Variants in DLC1 observed in about 807,000 individuals in gnomAD.
DLC1 encodes DLC1 Rho GTPase activating protein.
A neutral mutation model predicts 140.3 loss-of-function variants in DLC1; 54 were observed. The ratio of observed to expected loss-of-function variants is 0.38; its 90% CI spans 0.31 to 0.48. DLC1 has a LOEUF of 0.48. DLC1 is among the 20% of genes least tolerant of loss of function. DLC1 has a pLI of 0.96. For synonymous variants in DLC1, 986 were observed against 728.1 expected, an observed-to-expected ratio of 1.35 and a Z score of -5.70; for missense variants, 2,536 against 1,907.0, an observed-to-expected ratio of 1.33 and a Z score of -6.14.
chr8:13,443,719 T>C (rs1585117480), intron 2 of DLC1, among the ~76,000 whole-genome samples: 2 of 151,486 alleles, frequency 1.3e-5, no homozygotes. Flanking sequence ...GGAAGCATTA[T>C]GCTACACGCA....
intron 5 of DLC1, among the ~76,000 whole-genome samples, chr8:13,203,605 T>C (rs144641621): frequency 7.4e-4 from 112 of 152,350 alleles, no homozygotes; most frequent in African/African-American, 2.5e-3. Context: ...ATAGACTAGT[T>C]TTCCATCCTC....
intron 5 of DLC1, among the ~76,000 whole-genome samples, chr8:13,225,147 G>A (rs558230613): frequency 6.6e-6 from 1 of 152,190 alleles, no homozygotes; most frequent in South Asian, 2.1e-4. Context: ...TAAATAGAAA[G>A]CTGATAGGCT....
chr8:13,303,872 C>T (rs1832310526), intron 5 of DLC1, among the ~76,000 whole-genome samples: 2 of 152,152 alleles, frequency 1.3e-5, no homozygotes, highest in African/African-American at 4.8e-5. Flanking sequence ...GTGTTTCTCC[C>T]TGCCAAACTT....
intron 4 of DLC1, among the ~76,000 whole-genome samples, chr8:13,386,696 T>G (rs188315831): frequency 1.6e-4 from 25 of 152,226 alleles, no homozygotes; most frequent in Non-Finnish European, 2.9e-4. Context: ...ATTTATTATT[T>G]CAAAATCCAG....
At chr8:13,356,270 C>A (rs768822418) in intron 4 of DLC1, among the ~76,000 whole-genome samples, 2 of 151,926 alleles carry the variant, frequency 1.3e-5, no homozygotes, top group Non-Finnish European at 2.9e-5. Context: ...CTTATTTAGA[C>A]TTTTAGACCT....
intron 4 of DLC1, among the ~76,000 whole-genome samples, chr8:13,391,881 C>T (rs956864638): frequency 2.2e-5 from 3 of 134,332 alleles, no homozygotes; most frequent in Admixed American, 7.8e-5. Context: ...AAGTGAGCCC[C>T]ACACCTGTCC....
At chr8:13,511,010 C>A (rs1332795358) in intron 1 of DLC1, among the ~76,000 whole-genome samples, 1 of 151,876 alleles carries the variant, frequency 6.6e-6, no homozygotes, top group Non-Finnish European at 1.5e-5. Flanking sequence ...TCCTTCCATT[C>A]ATTTCACAAA....
chr8:13,392,402 C>G (rs1475562897), intron 4 of DLC1, among the ~76,000 whole-genome samples: 1 of 152,138 alleles, frequency 6.6e-6, no homozygotes, highest in East Asian at 1.9e-4. Context: ...AACATAATTT[C>G]CATGTAAATA....
Position 13,152,761 on chromosome 8 carries a change from A to G in DLC1, c.1349-37104T>C, listed in dbSNP as rs1312159205. ...AGTCTGGGGAGGTCAAGGCTGAAGC[A>G]AACCATGATCTTGCCACTGCACTCT... On this transcript the variant is annotated intron_variant, in intron 5 of 17. Transcript: ENST00000276297. Among the ~76,000 whole-genome samples, 12 of 142,212 alleles carry G rather than the reference A, an allele frequency of 8.4e-5. No individual in the cohort carries two copies. In the South Asian group the frequency reaches 1.4e-3, roughly 16 times the overall value. 93.3% of individuals were successfully genotyped at this position (142,212 alleles called of 152,430 possible). A position where few individuals can be genotyped will look rare whatever the true frequency, so the allele number is the denominator to read the frequency against.
At chr8:13,495,318 T>A (rs1360496464) in intron 2 of DLC1, among the ~76,000 whole-genome samples, 1 of 152,174 alleles carries the variant, frequency 6.6e-6, no homozygotes, top group Non-Finnish European at 1.5e-5. Context: ...CATCTTCACA[T>A]CTCATCTGGT....
At chr8:13,426,733 T>C (rs1211915957) in intron 2 of DLC1, among the ~76,000 whole-genome samples, 1 of 152,190 alleles carries the variant, frequency 6.6e-6, no homozygotes, top group African/African-American at 2.4e-5. Flanking sequence ...ATGTTCTTCA[T>C]ATTTCCTCAG....
intron 4 of DLC1, among the ~76,000 whole-genome samples, chr8:13,367,873 T>C (rs1835560343): frequency 6.6e-6 from 1 of 152,176 alleles, no homozygotes; most frequent in Non-Finnish European, 1.5e-5. Flanking sequence ...GATAGTAAGA[T>C]TAGGACAAGA....
intron 4 of DLC1, among the ~76,000 whole-genome samples, chr8:13,321,373 A>C (rs1833103754): frequency 6.6e-6 from 1 of 151,890 alleles, no homozygotes; most frequent in Admixed American, 6.6e-5. Flanking sequence ...CCCCATCTCT[A>C]CTAAAAATGC....
At chr8:13,305,007 G>A in intron 5 of DLC1, 5 of 1,092,702 alleles carry the variant, frequency 4.6e-6, no homozygotes, top group Non-Finnish European at 5.6e-6. Context: ...TTTTGCTTAA[G>A]AAAAAAAAAT....
intron 5 of DLC1, among the ~76,000 whole-genome samples, chr8:13,217,477 C>T (rs112918782): frequency 8.8e-4 from 134 of 152,218 alleles, no homozygotes; most frequent in African/African-American, 2.8e-3. Context: ...TTACTAAATG[C>T]ATTGGCTTCC....
At chr8:13,393,079 C>T (rs1382725511) in intron 4 of DLC1, among the ~76,000 whole-genome samples, 1 of 152,056 alleles carries the variant, frequency 6.6e-6, no homozygotes, top group African/African-American at 2.4e-5. Flanking sequence ...GTCTATCCAT[C>T]CATCTACATC....
At chr8:13,522,963 G>A (rs982173120) in intron 1 of DLC1, among the ~76,000 whole-genome samples, 2 of 152,014 alleles carry the variant, frequency 1.3e-5, no homozygotes, top group African/African-American at 4.8e-5. Flanking sequence ...GAAATAGCAA[G>A]GAATTAATGT....
chr8:13,576,166 C>T (rs991341447), intron 1 of DLC1, among the ~76,000 whole-genome samples: 5 of 152,190 alleles, frequency 3.3e-5, no homozygotes, highest in Admixed American at 6.5e-5. Context: ...CAGTAAGACA[C>T]ATCATGTATA....
At chr8:13,127,787 C>G (rs777001155) in intron 5 of DLC1, among the ~76,000 whole-genome samples, 1 of 152,196 alleles carries the variant, frequency 6.6e-6, no homozygotes, top group African/African-American at 2.4e-5. Context: ...AAGGAAGGCG[C>G]CTTTCTGACA....
Sources: allele counts gnomAD v4.1 joint callset (sites outside exome capture counted in the v4.1 genomes callset), GRCh38; gene constraint gnomAD v4.1.1; transcripts MANE v1.5; gene names NCBI Gene and HGNC (gene_info 2026-07-23, HGNC 2026-07-21).